The following STX10 variants were observed in gnomAD, a reference collection of about 807,000 sequenced individuals.
STX10 encodes the protein syntaxin-10.
A neutral mutation model predicts 34.1 loss-of-function variants in STX10; 35 were observed. The observed-to-expected ratio is 1.03, with a 90% confidence interval of 0.78 to 1.36. The LOEUF is 1.36. Ranked by LOEUF, STX10 falls within the 40% of genes most tolerant of loss-of-function variation. The pLI, the probability that STX10 is intolerant of heterozygous loss-of-function variation, is 0.00. For synonymous variants in STX10, 155 were observed against 132.9 expected, an observed-to-expected ratio of 1.17 and a Z score of -1.15; for missense variants, 361 against 335.5, an observed-to-expected ratio of 1.08 and a Z score of -0.59.
At position 13,145,292 on chromosome 19, in the gene STX10, T is replaced by C. The variant is rs2019871632; in HGVS notation, c.467A>G (p.Gln156Arg). ...CCACCCCGCTGGCCCCAAAACCTGC[T>C]GTGTGGCCTGCTGCTCCTCGATGTA... is the stretch of plus-strand genomic sequence containing the variant. ...SRYIEEQQAT[Q>R]QLIMDEQDQQ... Residue 156 changes from glutamine to arginine, a missense_variant, in exon 5 of 8, where the codon CAG (glutamine) becomes CGG (arginine). Gln to Arg is a conservative substitution (Grantham distance 43). Coordinates refer to ENST00000587230, the MANE Select transcript of STX10 (RefSeq NM_003765.3). 6.2e-7 allele frequency: 1 copy of C among 1,610,568 alleles called. No homozygotes were observed.
At chr19:13,148,919 C>T in intron 4 of STX10, 110 bp downstream of exon 4, 3 of 843,728 alleles carry the variant, frequency 3.6e-6, no homozygotes, top group Middle Eastern at 3.0e-4. Context: ...GATAACTGCC[C>T]ACAGAGAGGA....
In STX10 at chr19:13,149,910, G is replaced by A. The variant is rs751543090; in HGVS notation, c.36-13C>T. Reference sequence around the variant, plus strand: ...CTTCTGCACCTCGCTGCGGGCAGGGGCACGGCGGGCGCGGCTGGGGGCAGG... The same window carrying A: ...CTTCTGCACCTCGCTGCGGGCAGGGACACGGCGGGCGCGGCTGGGGGCAGG... On this transcript the variant is annotated splice_polypyrimidine_tract_variant and intron_variant, in intron 1 of 7. Transcript: ENST00000587230. The A allele has an allele frequency of 1.0e-5, 16 of 1,559,040 alleles. No homozygotes were observed. Among genetic ancestry groups the A allele is most frequent in the Non-Finnish European group, 1.4e-5 (16 of 1,153,274 alleles).
chr19:13,149,458 C>T (rs1384857645), intron 3 of STX10, 41 bp downstream of exon 3: 2 of 1,340,378 alleles, frequency 1.5e-6, no homozygotes, highest in South Asian at 1.3e-5. Context: ...AAAACACACT[C>T]AAACCTTCCC....
At chr19:13,148,619 G>A (rs1212871855) in intron 4 of STX10, among the ~76,000 whole-genome samples, 1 of 152,018 alleles carries the variant, frequency 6.6e-6, no homozygotes, top group Non-Finnish European at 1.5e-5. Flanking sequence ...GGCAGAGGTT[G>A]CAGTGAGCTG....
chr19:13,147,163 A>G (rs953533895), intron 4 of STX10, among the ~76,000 whole-genome samples: 3 of 151,718 alleles, frequency 2.0e-5, no homozygotes, highest in Non-Finnish European at 1.5e-5. Context: ...ATGAGGGGGG[A>G]AAATGCAGAT....
At chr19:13,146,805 T>G (rs2019910084) in intron 4 of STX10, among the ~76,000 whole-genome samples, 1 of 151,954 alleles carries the variant, frequency 6.6e-6, no homozygotes, top group Admixed American at 6.6e-5. Flanking sequence ...CCTCCCAAAG[T>G]GCTGAGATTT....
rs147828805 is a variant in STX10, at chr19:13,144,576, C to A, written c.673+1G>T. The A allele has an allele frequency of 2.2e-5, 36 of 1,614,028 alleles. No individual in the cohort carries two copies. The African/African-American group carries it at 3.6e-4, about 16-fold the overall frequency. On this transcript the variant is annotated splice_donor_variant, in intron 7 of 7. Transcript: ENST00000587230. LOFTEE classifies it high-confidence loss of function. ...CTGACCCCTCCCCTGAGGGGACTCA[C>A]CACTCGTCATGTGGGATACTTTGGC...
At chr19:13,149,138 G>T (rs752000703) in intron 3 of STX10, 47 bp from the exon 4 acceptor site, 1 of 1,523,178 alleles carries the variant, frequency 6.6e-7, no homozygotes, top group Non-Finnish European at 8.9e-7. Context: ...CAGGCTGGGC[G>T]CGGTGGCTCA....
chr19:13,144,313 C>A lies in STX10; in HGVS notation c.*97G>T. On this transcript the variant is annotated 3_prime_UTR_variant, in exon 8 of 8. Transcript: ENST00000587230. ...GCGGGACCCTCTACTCTCCAGCTAC[C>A]CAGGAGGGACCCTCTCCTCCTAGGG... The A allele has an allele frequency of 6.6e-7, 1 of 1,505,974 alleles. No homozygotes were observed. The highest frequency in any genetic ancestry group is 1.3e-5 in the South Asian group (1 of 79,002). The allele number at this position is 1,505,974 out of a possible 1,614,324, so 93.3% of individuals were successfully genotyped here.
intron 3 of STX10, 73 bp downstream of exon 3, chr19:13,149,426 A>AAAAGAAAG (rs566550573): frequency 1.5e-4 from 116 of 757,120 alleles, no homozygotes; most frequent in South Asian, 8.1e-4. Flanking sequence ...AAAAAAAAAA[A>AAAAGAAAG]AAAGAAAGAA....
rs760936580 is a variant in STX10 at position 13,144,482 on chromosome 19, GC to G, written c.677del (p.Arg226ProfsTer10). On this transcript the variant is annotated frameshift_variant, in exon 8 of 8. Coordinates refer to ENST00000587230, the MANE Select transcript of STX10 (RefSeq NM_003765.3). LOFTEE classifies it low-confidence loss of function (END_TRUNC). ...LAKVSHMTSD[R>X]RQWCAIAVLV... ...GCACGGCGATGGCACACCACTGTCG[GC>G]GGTCTGGGAACGAGAAGGTCAGGGG... 1 of 1,613,638 alleles carries G rather than the reference GC, an allele frequency of 6.2e-7. No individual in the cohort carries two copies. Among genetic ancestry groups the G allele is most frequent in the South Asian group, 1.1e-5 (1 of 90,954 alleles).
Position 13,149,505 on chromosome 19 carries a change from T to C in STX10, c.294A>G (p.Ala98=), listed in dbSNP as rs138001944. The C allele has an allele frequency of 2.3e-5, 37 of 1,613,230 alleles. No homozygotes were observed. The African/African-American group carries it at 3.6e-4, about 16-fold the overall frequency. Residue 98 remains alanine, a synonymous_variant, in exon 3 of 8, where the codon GCA becomes GCG. Transcript: ENST00000587230. ...CTGCAGGACCTTTCCTGACCTGGAC[T>C]GCCTCTCGCATCCGCTCCACGAACA... ...RKVFVERMRE[A]VQEMKDHMVS...
At chr19:13,147,355 C>T (rs1463359479) in intron 4 of STX10, among the ~76,000 whole-genome samples, 1 of 151,846 alleles carries the variant, frequency 6.6e-6, no homozygotes, top group East Asian at 1.9e-4. Context: ...GTCCCAGCTA[C>T]CCAGGAGGCT....
chr19:13,149,518 C>A lies in STX10; in HGVS notation c.281G>T (p.Arg94Leu). ...CCTGACCTGGACTGCCTCTCGCATC[C>A]GCTCCACGAACACCTTTCTCTCCTG... ...DLQERKVFVE[R>L]MREAVQEMKD... Residue 94 changes from arginine to leucine, a missense_variant, in exon 3 of 8, where the codon CGG (arginine) becomes CTG (leucine). By Grantham distance (102) the Arg-to-Leu change is moderately radical (BLOSUM62 -2). Transcript: ENST00000587230. 6.2e-7 allele frequency: 1 copy of A among 1,614,104 alleles called. No homozygotes were observed. The highest frequency in any genetic ancestry group is 2.2e-5 in the East Asian group (1 of 44,886).
chr19:13,147,914 AAATT>A (rs1227565851), intron 4 of STX10, among the ~76,000 whole-genome samples: 7 of 150,282 alleles, frequency 4.7e-5, no homozygotes, highest in Non-Finnish European at 8.9e-5. Flanking sequence ...AAAAAAAAAA[AAATT>A]AGCCGGGTGT....
chr19:13,149,426 A>AAAC, intron 3 of STX10, 73 bp downstream of exon 3: 2 of 753,140 alleles, frequency 2.7e-6, no homozygotes, highest in South Asian at 3.8e-5. Context: ...AAAAAAAAAA[A>AAAC]AAAGAAAGAA....
rs2020024746 is a variant in STX10, at chr19:13,150,070, G to C, written c.35+69C>G. On this transcript the variant is annotated intron_variant, in intron 1 of 7. Coordinates refer to ENST00000587230, the MANE Select transcript of STX10 (RefSeq NM_003765.3). This position sits in a 1 kb window ranked among gnomAD's most constrained non-coding sequence, Gnocchi z 4.0. Reference sequence around the variant, plus strand: ...TGCCCAGCCCGCCGGGCACGCTGGGGCCGGCACCCGGGCACTGGCTGGCTT... The same window carrying C: ...TGCCCAGCCCGCCGGGCACGCTGGGCCCGGCACCCGGGCACTGGCTGGCTT... 8.7e-7 allele frequency: 1 copy of C among 1,143,422 alleles called. No individual in the cohort carries two copies. Among genetic ancestry groups the C allele is most frequent in the Non-Finnish European group, 1.3e-6 (1 of 773,492 alleles). The allele number at this position is 1,143,422 out of a possible 1,614,324, so 70.8% of individuals were successfully genotyped here.
Position 13,149,849 on chromosome 19 carries a change from C to G in STX10, c.84G>C (p.Trp28Cys), listed in dbSNP as rs1397095656. Residue 28 changes from tryptophan (W) to cysteine (C), a missense_variant, in exon 2 of 8, where the codon TGG (tryptophan) becomes TGC (cysteine). Coordinates refer to ENST00000587230, the MANE Select transcript of STX10 (RefSeq NM_003765.3). ...VNTARGLYQR[W>C]CELLQESAAV... is the part of the protein sequence containing the mutation. ...CCGCGCTTTCCTGCAGGAGCTCGCA[C>G]CAGCGCTGGTACAGCCCGCGGGCCG... 1.9e-6 allele frequency: 3 copies of G among 1,612,686 alleles called. No homozygotes were observed. Among genetic ancestry groups the G allele is most frequent in the Non-Finnish European group, 2.5e-6 (3 of 1,179,762 alleles).
chr19:13,145,192 C>G, intron 5 of STX10, 96 bp downstream of exon 5: 2 of 1,198,870 alleles, frequency 1.7e-6, no homozygotes, highest in Non-Finnish European at 2.4e-6. Flanking sequence ...AAGCGAAACT[C>G]CATATCAACA....
Sources: allele counts gnomAD v4.1 joint callset (sites outside exome capture counted in the v4.1 genomes callset), GRCh38; gene constraint gnomAD v4.1.1; non-coding constraint Gnocchi (gnomAD v3.1); transcripts MANE v1.5; gene names NCBI Gene and HGNC (gene_info 2026-07-23, HGNC 2026-07-21).